DAAM1: variants seen among roughly 807,000 people sequenced by gnomAD.
DAAM1 encodes the protein disheveled-associated activator of morphogenesis 1.
DAAM1 carries 52 observed loss-of-function variants against 130.0 expected under a neutral mutation model. The observed-to-expected ratio is 0.40, with a 90% CI of 0.32 to 0.50. The LOEUF (loss-of-function observed/expected upper bound fraction) is 0.50, where lower values mean the gene tolerates loss of function less well. Ranked by LOEUF, DAAM1 falls within the 20% of genes least tolerant of loss-of-function variation. The pLI, the probability that DAAM1 is intolerant of heterozygous loss-of-function variation, is 0.61. For missense variants in DAAM1, 1,134 were observed against 1,303.8 expected, an observed-to-expected ratio of 0.87 and a Z score of 2.01; for synonymous variants, 452 against 444.5, an observed-to-expected ratio of 1.02 and a Z score of -0.21.
chr14:59,325,867 C>A, intron 9 of DAAM1, 93 bp from the exon 10 acceptor site: 1 of 1,514,158 alleles, frequency 6.6e-7, no homozygotes, highest in Non-Finnish European at 9.1e-7. Context: ...TCCTAAGTGG[C>A]AGGATTAGCT....
chr14:59,255,409 T>C (rs1369493636), intron 1 of DAAM1, among the ~76,000 whole-genome samples: 1 of 151,990 alleles, frequency 6.6e-6, no homozygotes, highest in East Asian at 1.9e-4. Context: ...AAGCTCCAAA[T>C]AGTATTTGGC....
intron 6 of DAAM1, among the ~76,000 whole-genome samples, chr14:59,323,810 A>G (rs1885106729): frequency 1.3e-5 from 2 of 152,150 alleles, no homozygotes; most frequent in Non-Finnish European, 2.9e-5. Flanking sequence ...AGGCAGGCGG[A>G]TCGCAAGGTC....
chr14:59,347,588 G>A lies in DAAM1; in HGVS notation c.2125G>A (p.Glu709Lys), dbSNP rs746938240. The A allele has an allele frequency of 2.5e-6, 4 of 1,613,900 alleles. No homozygotes were observed. The highest frequency in any genetic ancestry group is 2.2e-5 in the East Asian group (1 of 44,836). Residue 709 changes from glutamate (E) to lysine (K), a missense_variant, in exon 17 of 25, where the codon GAA (glutamate) becomes AAA (lysine). This residue lies in a region of DAAM1 where 644 missense variants were observed against 695.9 expected (regional missense o/e 0.93). Transcript: ENST00000360909. Reference sequence around the variant, plus strand: ...CAAACGGGCAATTCTAACAATGGACGAACAGGAAGATCTGCCCAAGGACAT... The same window carrying A: ...CAAACGGGCAATTCTAACAATGGACAAACAGGAAGATCTGCCCAAGGACAT... Reference protein sequence around the residue: ...EIKRAILTMDEQEDLPKDMLE... With the variant: ...EIKRAILTMDKQEDLPKDMLE...
At chr14:59,332,504 G>A (rs928957992) in intron 15 of DAAM1, among the ~76,000 whole-genome samples, 2 of 152,188 alleles carry the variant, frequency 1.3e-5, no homozygotes, top group African/African-American at 2.4e-5. Context: ...GACCAGAGAC[G>A]CTACTGAAAA....
intron 8 of DAAM1, 31 bp from the exon 9 acceptor site, chr14:59,325,633 A>G (rs752761587): frequency 1.9e-6 from 3 of 1,587,288 alleles, no homozygotes; most frequent in East Asian, 2.2e-5. Flanking sequence ...AGGATGTTCT[A>G]CTTAATAACT....
At chr14:59,275,931 A>G (rs1241580402) in intron 2 of DAAM1, among the ~76,000 whole-genome samples, 1 of 152,174 alleles carries the variant, frequency 6.6e-6, no homozygotes, top group Admixed American at 6.6e-5. Flanking sequence ...TATTGGCAGA[A>G]ATTTTACAGG....
intron 1 of DAAM1, among the ~76,000 whole-genome samples, chr14:59,209,222 G>T (rs916920494): frequency 1.8e-4 from 21 of 115,534 alleles, no homozygotes; most frequent in African/African-American, 6.8e-4. Context: ...CTCCCTCCAA[G>T]TGCTTGCTGG....
intron 1 of DAAM1, among the ~76,000 whole-genome samples, chr14:59,188,982 C>G (rs1887639700): frequency 6.6e-6 from 1 of 152,168 alleles, no homozygotes; most frequent in Non-Finnish European, 1.5e-5. Flanking sequence ...TCTCGGCTGC[C>G]TAGCTGGGGG....
intron 3 of DAAM1, among the ~76,000 whole-genome samples, chr14:59,306,278 G>A (rs867518605): frequency 6.6e-6 from 1 of 152,160 alleles, no homozygotes; most frequent in Non-Finnish European, 1.5e-5. Context: ...CACAAGGAGA[G>A]CAGGGAACTT....
intron 1 of DAAM1, among the ~76,000 whole-genome samples, chr14:59,246,345 A>G (rs1354421634): frequency 6.6e-6 from 1 of 152,192 alleles, no homozygotes; most frequent in Non-Finnish European, 1.5e-5. Flanking sequence ...TTCACTCAGC[A>G]TAATGTCTTC....
At chr14:59,322,775 AG>A in intron 5 of DAAM1, 116 bp from the exon 6 acceptor site, 1 of 797,662 alleles carries the variant, frequency 1.3e-6, no homozygotes, top group Non-Finnish European at 2.0e-6. Flanking sequence ...CATCAATGTA[AG>A]CCTTTTGGCA....
Position 59,340,152 on chromosome 14 carries a change from G to A in DAAM1, c.2047G>A (p.Ala683Thr). 1 of 1,613,406 alleles carries A rather than the reference G, an allele frequency of 6.2e-7. No homozygotes were observed. Among genetic ancestry groups the A allele is most frequent in the Non-Finnish European group, 8.5e-7 (1 of 1,179,558 alleles). The change falls in exon 16 of 25, where the codon GCT becomes ACT. Residue 683 changes from alanine to threonine, a missense_variant. This residue lies in a region of DAAM1 where 644 missense variants were observed against 695.9 expected (regional missense o/e 0.93). Coordinates refer to ENST00000360909, the MANE Select transcript of DAAM1 (RefSeq NM_001270520.2). ...GCTTTCGGTGATTGATGGTCGGAGA[G>A]CTCAGAATTGCAACATCCTTCTATC... Reference protein sequence around the residue: ...KELSVIDGRRAQNCNILLSRL... With the variant: ...KELSVIDGRRTQNCNILLSRL...
At chr14:59,342,295 A>T (rs1363957014) in intron 16 of DAAM1, among the ~76,000 whole-genome samples, 1 of 152,168 alleles carries the variant, frequency 6.6e-6, no homozygotes, top group Non-Finnish European at 1.5e-5. Context: ...ATTGATAAGG[A>T]TCTGAAGCCC....
At position 59,371,259 on chromosome 14, in the gene DAAM1, T is replaced by C. The variant is rs1178288610; in HGVS notation, c.*2400T>C. On this transcript the variant is annotated 3_prime_UTR_variant, in exon 25 of 25. Coordinates refer to ENST00000360909, the MANE Select transcript of DAAM1 (RefSeq NM_001270520.2). Reference sequence around the variant, plus strand: ...ACTTAATTATATGTCTTATATCTTATTAGCTTAGTAGTTGGAACCACTTAG... The same window carrying C: ...ACTTAATTATATGTCTTATATCTTACTAGCTTAGTAGTTGGAACCACTTAG... 6.6e-6 allele frequency: 1 copy of C among 152,166 alleles called. No individual in the cohort carries two copies. The highest frequency in any genetic ancestry group is 2.4e-5 in the African/African-American group (1 of 41,444). 9.4% of individuals were successfully genotyped at this position (152,166 alleles called of 1,614,324 possible).
rs545566861 is a variant in DAAM1, at chr14:59,253,784, G to C, written c.-37-9657G>C. Reference sequence around the variant, plus strand: ...AGTACTCACTTCCCCAGGGGACCCTGTCTAGGCCTCACCAGGGAGAGGGAC... The same window carrying C: ...AGTACTCACTTCCCCAGGGGACCCTCTCTAGGCCTCACCAGGGAGAGGGAC... On this transcript the variant is annotated intron_variant, in intron 1 of 24. Coordinates refer to ENST00000360909, the MANE Select transcript of DAAM1 (RefSeq NM_001270520.2). Among the ~76,000 whole-genome samples the C allele has an allele frequency of 2.0e-5, 3 of 152,330 alleles. No individual in the cohort carries two copies. The East Asian group carries it at 5.8e-4, about 29-fold the overall frequency.
chr14:59,216,714 T>C (rs1374217078), intron 1 of DAAM1, among the ~76,000 whole-genome samples: 2 of 151,818 alleles, frequency 1.3e-5, no homozygotes, highest in Non-Finnish European at 2.9e-5. Flanking sequence ...AGCGAGACTC[T>C]GTCTCAAAAG....
At chr14:59,289,784 A>ATATATATATATATAT in intron 2 of DAAM1, among the ~76,000 whole-genome samples, 19 of 128,590 alleles carry the variant, frequency 1.5e-4, no homozygotes, top group South Asian at 2.4e-4. Context: ...ATATATATAT[A>ATATATATATATATAT]ATGGAATGCT....
At chr14:59,277,359 G>A (rs915203367) in intron 2 of DAAM1, among the ~76,000 whole-genome samples, 4 of 152,000 alleles carry the variant, frequency 2.6e-5, no homozygotes, top group Non-Finnish European at 5.9e-5. Context: ...AATTGGTAAG[G>A]TTTCTTTGTA....
intron 3 of DAAM1, among the ~76,000 whole-genome samples, chr14:59,314,778 A>T (rs973838376): frequency 1.3e-5 from 2 of 152,226 alleles, no homozygotes; most frequent in South Asian, 2.1e-4. Flanking sequence ...CTACCTCTTC[A>T]TCTGAAGCAG....
Sources: gnomAD v4.1 joint callset for allele counts (sites outside exome capture counted in the v4.1 genomes callset) on GRCh38, gnomAD v4.1.1 for gene constraint, gnomAD v4.1.1 regional missense constraint, MANE v1.5 for transcripts, NCBI Gene and HGNC (gene_info 2026-07-23, HGNC 2026-07-21) for gene names.